KBTBD2: variants seen among roughly 807,000 people sequenced by gnomAD.
KBTBD2 encodes the protein kelch repeat and BTB domain-containing protein 2.
KBTBD2 carries 17 observed loss-of-function variants against 57.1 expected under a neutral mutation model. The ratio of observed to expected loss-of-function variants is 0.30; its 90% CI spans 0.20 to 0.45. KBTBD2 has a LOEUF of 0.45. Among genes scored for constraint, KBTBD2 ranks in the 20% least tolerant of loss-of-function variants. KBTBD2 has a pLI of 1.00. For synonymous variants in KBTBD2, 267 were observed against 262.7 expected (o/e 1.02, Z -0.16); for missense variants, 515 against 750.6 (o/e 0.69, Z 3.67).
chr7:32,874,728 T>A (rs374151564), intron 3 of KBTBD2: 1 of 289,928 alleles, frequency 3.4e-6, no homozygotes, highest in East Asian at 6.9e-5. Context: ...ACACAGTGGC[T>A]CACGCGTGTA....
intron 1 of KBTBD2, among the ~76,000 whole-genome samples, chr7:32,887,853 A>G (rs1433415798): frequency 6.6e-6 from 1 of 152,218 alleles, no homozygotes; most frequent in Non-Finnish European, 1.5e-5. Context: ...TTGCTCATCT[A>G]TAAAATGTAG....
In KBTBD2 at chr7:32,869,096, T is replaced by C. The variant is rs1041471326; in HGVS notation, c.*249A>G. 1.8e-5 allele frequency: 7 copies of C among 391,122 alleles called. No individual in the cohort carries two copies. The highest frequency in any genetic ancestry group is 4.0e-5 in the South Asian group (1 of 25,244). The allele number at this position is 391,122 out of a possible 1,614,324, so 24.2% of individuals were successfully genotyped here. A position where few individuals can be genotyped will look rare whatever the true frequency, so the allele number is the denominator to read the frequency against. ...AACAATGTTAGATAATCCAGATTCT[T>C]ATACTCTCATGATTACACATAAAGT... On this transcript the variant is annotated 3_prime_UTR_variant, in exon 4 of 4. Transcript: ENST00000304056.
chr7:32,891,333 G>A (rs1219817743), intron 1 of KBTBD2, among the ~76,000 whole-genome samples: 10 of 147,824 alleles, frequency 6.8e-5, no homozygotes, highest in African/African-American at 2.2e-4. Flanking sequence ...GCCGCCGCGG[G>A]GTGCGGAGGG....
rs1051341465 is a variant in KBTBD2 at position 32,879,810 on chromosome 7, C to A, written c.-206G>T. 2.4e-4 allele frequency: 112 copies of A among 475,794 alleles called. No homozygotes were observed. The highest frequency in any genetic ancestry group is 4.4e-5 in the Non-Finnish European group (12 of 271,408). 29.5% of individuals were successfully genotyped at this position (475,794 alleles called of 1,614,324 possible). A position where few individuals can be genotyped will look rare whatever the true frequency, so the allele number is the denominator to read the frequency against. ...TAGGTCATCCTGTGTTAATTAGGTT[C>A]TTCAGAGTTTTTCAACACAGTCTGC... On this transcript the variant is annotated 5_prime_UTR_variant, in exon 2 of 4. Coordinates refer to ENST00000304056, the MANE Select transcript of KBTBD2 (RefSeq NM_015483.3).
At position 32,879,605 on chromosome 7, in the gene KBTBD2, G is replaced by A. The variant is rs1156743079; in HGVS notation, c.-1C>T. On this transcript the variant is annotated 5_prime_UTR_variant, in exon 2 of 4. Transcript: ENST00000304056. Reference sequence around the variant, plus strand: ...TCTGCCTCTCGTCTTGAGTGGACATGACTGTATTCCATTAATATCTCCAGG... The same window carrying A: ...TCTGCCTCTCGTCTTGAGTGGACATAACTGTATTCCATTAATATCTCCAGG... 2 of 1,611,474 alleles carry A rather than the reference G, an allele frequency of 1.2e-6. No individual in the cohort carries two copies. Among genetic ancestry groups the A allele is most frequent in the Non-Finnish European group, 1.7e-6 (2 of 1,178,486 alleles).
intron 1 of KBTBD2, among the ~76,000 whole-genome samples, chr7:32,890,256 G>C (rs777688185): frequency 2.0e-5 from 3 of 152,154 alleles, no homozygotes; most frequent in Non-Finnish European, 4.4e-5. Flanking sequence ...TAAGCACTAA[G>C]CCAACAGAAG....
chr7:32,879,651 C>G lies in KBTBD2; in HGVS notation c.-47G>C. The stretch of plus-strand genomic sequence containing the variant: ...CCAGGAACAGATTAGAAAAGTCCGT[C>G]TTACTGATGGAAGGTCAAGTGAATA... On this transcript the variant is annotated 5_prime_UTR_variant, in exon 2 of 4. Transcript: ENST00000304056. 1 of 1,514,280 alleles carries G rather than the reference C, an allele frequency of 6.6e-7. No homozygotes were observed. The highest frequency in any genetic ancestry group is 9.1e-7 in the Non-Finnish European group (1 of 1,100,396). The allele number at this position is 1,514,280 out of a possible 1,614,324, so 93.8% of individuals were successfully genotyped here. A position where few individuals can be genotyped will look rare whatever the true frequency, so the allele number is the denominator to read the frequency against.
At chr7:32,884,867 T>C (rs1784528671) in intron 1 of KBTBD2, among the ~76,000 whole-genome samples, 1 of 151,714 alleles carries the variant, frequency 6.6e-6, no homozygotes, top group East Asian at 1.9e-4. Flanking sequence ...ACAAATGTTA[T>C]TTCAATAAAA....
rs1309298346 is a variant in KBTBD2, at chr7:32,868,788, A to G, written c.*557T>C. 3 of 153,148 alleles carry G rather than the reference A, an allele frequency of 2.0e-5. No individual in the cohort carries two copies. Among genetic ancestry groups the G allele is most frequent in the Non-Finnish European group, 4.4e-5 (3 of 68,428 alleles). The allele number at this position is 153,148 out of a possible 1,614,324, so 9.5% of individuals were successfully genotyped here. A position where few individuals can be genotyped will look rare whatever the true frequency, so the allele number is the denominator to read the frequency against. On this transcript the variant is annotated 3_prime_UTR_variant, in exon 4 of 4. Coordinates refer to ENST00000304056, the MANE Select transcript of KBTBD2 (RefSeq NM_015483.3). ...TACATGCACCTAATAGTATAGTTAG[A>G]CTGATCCTGCAGTCATAGCTTTCCC...
At position 32,870,244 on chromosome 7, in the gene KBTBD2, C is replaced by G. The variant is rs1462156508; in HGVS notation, c.973G>C (p.Val325Leu). 3 of 1,614,034 alleles carry G rather than the reference C, an allele frequency of 1.9e-6. No individual in the cohort carries two copies. The highest frequency in any genetic ancestry group is 2.5e-6 in the Non-Finnish European group (3 of 1,180,048). Residue 325 changes from valine to leucine, a missense_variant, in exon 4 of 4, where the codon GTT becomes CTT. Coordinates refer to ENST00000304056, the MANE Select transcript of KBTBD2 (RefSeq NM_015483.3). ...TTTGTTTTTGTGTTTTTCAGAGGAA[C>G]TTGACCCCCTGCTATGTAGATATCA... Reference protein sequence around the residue: ...DNDIYIAGGQVPLKNTKTNHS... With the variant: ...DNDIYIAGGQLPLKNTKTNHS...
intron 3 of KBTBD2, 37 bp from the exon 4 acceptor site, chr7:32,870,917 GC>G: frequency 7.9e-7 from 1 of 1,269,466 alleles, no homozygotes; most frequent in Non-Finnish European, 1.1e-6. Flanking sequence ...GGCTGATAGG[GC>G]CAGGACAGAC....
At chr7:32,877,550 T>C (rs1418786755) in intron 2 of KBTBD2, among the ~76,000 whole-genome samples, 1 of 152,196 alleles carries the variant, frequency 6.6e-6, no homozygotes, top group Admixed American at 6.5e-5. Context: ...GCAAAATCTC[T>C]ACAGTAGATG....
intron 1 of KBTBD2, among the ~76,000 whole-genome samples, chr7:32,884,733 A>G (rs1275665772): frequency 1.3e-5 from 2 of 151,764 alleles, no homozygotes. Flanking sequence ...AAAACTTCAA[A>G]AGGTACACTA....
chr7:32,883,180 C>A (rs1784485739), intron 1 of KBTBD2, among the ~76,000 whole-genome samples: 1 of 152,022 alleles, frequency 6.6e-6, no homozygotes, highest in Non-Finnish European at 1.5e-5. Flanking sequence ...GAGTTCAAGA[C>A]CAGCCTGACC....
At chr7:32,885,737 T>C (rs954065654) in intron 1 of KBTBD2, among the ~76,000 whole-genome samples, 9 of 152,150 alleles carry the variant, frequency 5.9e-5, no homozygotes, top group Admixed American at 2.6e-4. Flanking sequence ...ATTCACAATC[T>C]TAATAAAGTG....
At chr7:32,890,334 C>T (rs1784699392) in intron 1 of KBTBD2, among the ~76,000 whole-genome samples, 1 of 152,110 alleles carries the variant, frequency 6.6e-6, no homozygotes, top group African/African-American at 2.4e-5. Context: ...AATTCCACAT[C>T]ATCGAGATTA....
In KBTBD2 at chr7:32,879,432, T is replaced by TA; in HGVS notation, c.170+2dup. ...TTCTATTTAAAACATTAAAAGTACT[T>TA]ACCTGAAATAAGAGCTACATGTTGC... On this transcript the variant is annotated splice_region_variant and intron_variant, in intron 2 of 3. Transcript: ENST00000304056. 1 of 1,581,984 alleles carries TA rather than the reference T, an allele frequency of 6.3e-7. No homozygotes were observed. Among genetic ancestry groups the TA allele is most frequent in the Non-Finnish European group, 8.6e-7 (1 of 1,158,262 alleles).
intron 2 of KBTBD2, among the ~76,000 whole-genome samples, chr7:32,878,811 C>T (rs531753640): frequency 2.0e-5 from 3 of 152,144 alleles, no homozygotes; most frequent in South Asian, 4.1e-4. Context: ...ACAACAAAGA[C>T]GCAAAAGATC....
intron 2 of KBTBD2, among the ~76,000 whole-genome samples, chr7:32,879,156 TTTTC>T (rs34428903): frequency 0.41 from 62,116 of 151,642 alleles, 14,082 homozygotes; most frequent in African/African-American, 0.62. Flanking sequence ...ATTATCCCAT[TTTTC>T]TTTCTCTTTT....
Sources: gnomAD v4.1 joint callset for allele counts (sites outside exome capture counted in the v4.1 genomes callset) on GRCh38, gnomAD v4.1.1 for gene constraint, MANE v1.5 for transcripts, NCBI Gene and HGNC (gene_info 2026-07-23, HGNC 2026-07-21) for gene names.